Variants in TSHR observed in about 807,000 individuals in gnomAD.
The protein encoded by TSHR is thyroid stimulating hormone receptor.
A neutral mutation model predicts 64.1 loss-of-function variants in TSHR; 51 were observed. The ratio of observed to expected loss-of-function variants is 0.80; its 90% CI spans 0.64 to 1.01. TSHR has a LOEUF of 1.01. TSHR is among the 50% of genes least tolerant of loss of function. TSHR has a pLI of 0.00. For synonymous variants in TSHR, 361 were observed against 361.9 expected, an observed-to-expected ratio of 1.00 and a Z score of 0.03; for missense variants, 877 against 942.8, an observed-to-expected ratio of 0.93 and a Z score of 0.91.
Position 81,091,080 on chromosome 14 carries a change from A to G in TSHR, c.404A>G (p.Asn135Ser). ...LPLLKFLGIF[N>S]TGLKMFPDLT... ...TTTCATTAATTTAGTGGCATTTTCA[A>G]CACTGGACTTAAAATGTTCCCTGAC... The change falls in exon 5 of 10, where the codon AAC (asparagine) becomes AGC (serine). Residue 135 changes from asparagine (N) to serine (S), a missense_variant. Physicochemically the swap from Asn to Ser is conservative, Grantham distance 46. Transcript: ENST00000298171. 1 of 1,611,856 alleles carries G rather than the reference A, an allele frequency of 6.2e-7. No individual in the cohort carries two copies. The highest frequency in any genetic ancestry group is 8.5e-7 in the Non-Finnish European group (1 of 1,179,812).
intron 8 of TSHR, among the ~76,000 whole-genome samples, chr14:81,137,967 C>G (rs568689528): frequency 2.0e-5 from 3 of 152,200 alleles, no homozygotes; most frequent in Admixed American, 2.0e-4. Context: ...GATGGCCACA[C>G]CTTGAAGACA....
chr14:81,009,540 C>T (rs1448352271), intron 1 of TSHR, among the ~76,000 whole-genome samples: 1 of 152,104 alleles, frequency 6.6e-6, no homozygotes, highest in Non-Finnish European at 1.5e-5. Flanking sequence ...AGTTGATGTG[C>T]ATTTTACTCT....
chr14:81,010,033 C>A (rs1889822244), intron 1 of TSHR, among the ~76,000 whole-genome samples: 1 of 152,132 alleles, frequency 6.6e-6, no homozygotes, highest in South Asian at 2.1e-4. Flanking sequence ...CTCACCATAT[C>A]CTCAGACATT....
At chr14:81,072,751 G>GATAAAAATATATAAAATGCACA (rs1192300828) in intron 3 of TSHR, among the ~76,000 whole-genome samples, 2 of 150,104 alleles carry the variant, frequency 1.3e-5, no homozygotes, top group African/African-American at 5.0e-5. Flanking sequence ...AAAGTGAAAA[G>GATAAAAATATATAAAATGCACA]CTTTGGGAGG....
At chr14:81,069,373 A>T (rs1297638315) in intron 3 of TSHR, among the ~76,000 whole-genome samples, 2 of 152,232 alleles carry the variant, frequency 1.3e-5, no homozygotes, top group African/African-American at 2.4e-5. Flanking sequence ...GATATTGCTT[A>T]CAAGTATGGT....
intron 6 of TSHR, among the ~76,000 whole-genome samples, chr14:81,095,201 T>C (rs1473702021): frequency 2.0e-5 from 3 of 152,152 alleles, no homozygotes; most frequent in Non-Finnish European, 4.4e-5. Context: ...TGCATTCCCA[T>C]ATAGCCCAGA....
At chr14:80,994,714 T>C (rs143113422) in intron 1 of TSHR, 21 of 152,308 alleles carry the variant, frequency 1.4e-4, no homozygotes, top group African/African-American at 5.1e-4. Context: ...CCTTACACCA[T>C]ATACAAAAAT....
chr14:81,072,394 G>T (rs1293989898), intron 3 of TSHR, among the ~76,000 whole-genome samples: 1 of 152,096 alleles, frequency 6.6e-6, no homozygotes, highest in Non-Finnish European at 1.5e-5. Flanking sequence ...CTGAGAAGTG[G>T]TAAAAGTACT....
At chr14:81,070,404 G>A (rs556833045) in intron 3 of TSHR, among the ~76,000 whole-genome samples, 11 of 151,920 alleles carry the variant, frequency 7.2e-5, no homozygotes, top group South Asian at 2.1e-4. Flanking sequence ...CAAGGCAGGC[G>A]GATCACGAGG....
At chr14:81,117,242 G>A (rs1300489519) in intron 8 of TSHR, among the ~76,000 whole-genome samples, 1 of 118,640 alleles carries the variant, frequency 8.4e-6, no homozygotes, top group East Asian at 3.1e-4. Flanking sequence ...ATGAATCCAG[G>A]AGCTGGTTTT....
At chr14:81,031,296 G>A (rs1174001987) in intron 1 of TSHR, among the ~76,000 whole-genome samples, 1 of 152,052 alleles carries the variant, frequency 6.6e-6, no homozygotes, top group Non-Finnish European at 1.5e-5. Flanking sequence ...ACATATGAAG[G>A]AACTACACAC....
chr14:80,963,960 G>A (rs192813660), intron 1 of TSHR, among the ~76,000 whole-genome samples: 1,652 of 152,284 alleles, frequency 0.011, 21 homozygotes, highest in Non-Finnish European at 0.018. Context: ...CAATTTGGGG[G>A]ATAAATTGCT....
chr14:81,033,109 G>A (rs547089048), intron 1 of TSHR: 2 of 355,070 alleles, frequency 5.6e-6, no homozygotes, highest in Middle Eastern at 3.9e-4. Flanking sequence ...AGCTGGAAAT[G>A]CTGCTCAGAA....
At chr14:81,019,289 A>G (rs558424980) in intron 1 of TSHR, among the ~76,000 whole-genome samples, 1 of 151,386 alleles carries the variant, frequency 6.6e-6, no homozygotes, top group Non-Finnish European at 1.5e-5. Flanking sequence ...AGCCAAGATC[A>G]TGTCACTGCA....
chr14:81,061,113 A>G (rs1886204540), intron 1 of TSHR, among the ~76,000 whole-genome samples: 1 of 152,204 alleles, frequency 6.6e-6, no homozygotes, highest in South Asian at 2.1e-4. Context: ...TCCAGACTGC[A>G]GCATGTAGAT....
chr14:80,991,700 G>A (rs1252077228), intron 1 of TSHR: 1 of 396,568 alleles, frequency 2.5e-6, no homozygotes, highest in Non-Finnish European at 4.4e-6. Context: ...AGTGATAATA[G>A]AAGGGCCTAG....
intron 1 of TSHR, among the ~76,000 whole-genome samples, chr14:81,035,129 C>T (rs1025559389): frequency 6.6e-6 from 1 of 152,130 alleles, no homozygotes; most frequent in Non-Finnish European, 1.5e-5. Context: ...TCATTTTTCT[C>T]CTCCTCAGCT....
At chr14:81,137,852 C>T (rs1595170124) in intron 8 of TSHR, among the ~76,000 whole-genome samples, 1 of 152,138 alleles carries the variant, frequency 6.6e-6, no homozygotes, top group Non-Finnish European at 1.5e-5. Flanking sequence ...ATCTAGCAGA[C>T]AACAAAGCAG....
Position 81,017,651 on chromosome 14 carries a change from A to G in TSHR, c.171-44497A>G, listed in dbSNP as rs547374403. Among the ~76,000 whole-genome samples, 8 of 152,214 alleles carry G rather than the reference A, an allele frequency of 5.3e-5. No individual in the cohort carries two copies. In the South Asian group the frequency reaches 1.7e-3, roughly 32 times the overall value. The stretch of plus-strand genomic sequence containing the variant: ...AAGATACATTCCAAACAAATAGCCT[A>G]GGCAATTCTTAGGTACTCTCGTGAT... On this transcript the variant is annotated intron_variant, in intron 1 of 9. Coordinates refer to ENST00000298171, the MANE Select transcript of TSHR (RefSeq NM_000369.5).
Sources: gnomAD v4.1 joint callset for allele counts (sites outside exome capture counted in the v4.1 genomes callset) on GRCh38, gnomAD v4.1.1 for gene constraint, MANE v1.5 for transcripts, NCBI Gene and HGNC (gene_info 2026-07-23, HGNC 2026-07-21) for gene names.